Variants in VPS8 observed in about 807,000 individuals in gnomAD.
The protein encoded by VPS8 is vacuolar protein sorting-associated protein 8 homolog.
VPS8 carries 129 observed loss-of-function variants against 216.4 expected under a neutral mutation model. The observed-to-expected ratio is 0.60, with a 90% CI of 0.52 to 0.69. The LOEUF (loss-of-function observed/expected upper bound fraction) is 0.69. Among genes scored for constraint, VPS8 ranks in the 30% least tolerant of loss-of-function variants. VPS8 has a pLI of 0.00. For synonymous variants in VPS8, 571 were observed against 565.4 expected (o/e 1.01, Z -0.14); for missense variants, 1,531 against 1,683.5 (o/e 0.91, Z 1.59).
chr3:184,833,347 A>G (rs1222452402), intron 4 of VPS8, among the ~76,000 whole-genome samples: 5 of 152,204 alleles, frequency 3.3e-5, no homozygotes, highest in Admixed American at 6.5e-5. Flanking sequence ...TGGAGGAATC[A>G]TACTATAAAT....
intron 17 of VPS8, 115 bp downstream of exon 17, chr3:184,867,065 T>C (rs1727491923): frequency 3.4e-6 from 3 of 888,720 alleles, no homozygotes; most frequent in Non-Finnish European, 5.1e-6. Context: ...TCAGCAATTA[T>C]CCTAAACCCT....
intron 31 of VPS8, among the ~76,000 whole-genome samples, 191 bp from the exon 32 acceptor site, chr3:184,928,260 A>G (rs1274173907): frequency 6.6e-6 from 1 of 152,226 alleles, no homozygotes; most frequent in Non-Finnish European, 1.5e-5. Context: ...ATCTTTTTAT[A>G]GGGCTTAAAT....
intron 36 of VPS8, among the ~76,000 whole-genome samples, chr3:184,951,177 T>C (rs969174845): frequency 2.6e-5 from 4 of 152,130 alleles, no homozygotes; most frequent in African/African-American, 9.7e-5. Context: ...ATTTACAGAA[T>C]TTGAATTTTA....
chr3:185,010,193 T>C (rs1754819302), intron 45 of VPS8, among the ~76,000 whole-genome samples: 2 of 152,172 alleles, frequency 1.3e-5, no homozygotes, highest in African/African-American at 2.4e-5. Context: ...TGCTTTGATC[T>C]CACCTAACAA....
chr3:184,831,898 A>G (rs925864458), intron 3 of VPS8, among the ~76,000 whole-genome samples: 5 of 152,186 alleles, frequency 3.3e-5, no homozygotes, highest in African/African-American at 1.2e-4. Flanking sequence ...TGCCCCACCT[A>G]TCTTTTTAAA....
intron 3 of VPS8, among the ~76,000 whole-genome samples, chr3:184,831,211 C>T (rs527421649): frequency 1.1e-4 from 17 of 152,286 alleles, no homozygotes; most frequent in Admixed American, 8.5e-4. Context: ...CACCTGTAGT[C>T]CCAGCTTCTT....
At chr3:184,820,800 T>C (rs1267964366) in intron 1 of VPS8, among the ~76,000 whole-genome samples, 1 of 152,196 alleles carries the variant, frequency 6.6e-6, no homozygotes, top group Non-Finnish European at 1.5e-5. Flanking sequence ...TAGACTAATG[T>C]TGATGTTAAA....
chr3:185,045,193 G>A (rs1035830885), intron 46 of VPS8, among the ~76,000 whole-genome samples: 10 of 42,502 alleles, frequency 2.4e-4, no homozygotes, highest in African/African-American at 8.5e-4. Flanking sequence ...AAAGTGGCCC[G>A]TGTCTCTCGC....
chr3:184,895,593 TCCTCCTC>T (rs1733244116), intron 23 of VPS8, among the ~76,000 whole-genome samples: 1 of 46,590 alleles, frequency 2.1e-5, no homozygotes, highest in Non-Finnish European at 4.2e-5. Flanking sequence ...CTCCTGCTCC[TCCTCCTC>T]CCCCCCTCCT....
intron 38 of VPS8, among the ~76,000 whole-genome samples, chr3:184,965,933 T>A (rs1037749797): frequency 6.6e-6 from 1 of 152,214 alleles, no homozygotes; most frequent in Non-Finnish European, 1.5e-5. Context: ...GATTTTAGCT[T>A]ATAAGCTTTT....
chr3:184,918,199 A>G (rs1467643978), intron 28 of VPS8, among the ~76,000 whole-genome samples: 2 of 152,240 alleles, frequency 1.3e-5, no homozygotes, highest in Non-Finnish European at 2.9e-5. Context: ...GGCCACATGT[A>G]GCCCCAAAGC....
chr3:184,896,995 A>T (rs773126114), intron 23 of VPS8, among the ~76,000 whole-genome samples: 10 of 151,432 alleles, frequency 6.6e-5, no homozygotes, highest in Admixed American at 2.0e-4. Flanking sequence ...GCTAGCATTT[A>T]AAAAAAAAGG....
intron 8 of VPS8, among the ~76,000 whole-genome samples, chr3:184,847,032 CAG>C (rs1723264037): frequency 1.3e-5 from 2 of 152,134 alleles, no homozygotes; most frequent in South Asian, 2.1e-4. Flanking sequence ...GGAGAACAGT[CAG>C]AATGTATTGA....
intron 24 of VPS8, among the ~76,000 whole-genome samples, chr3:184,898,931 T>C (rs1441169955): frequency 2.0e-5 from 3 of 152,172 alleles, no homozygotes; most frequent in African/African-American, 4.8e-5. Context: ...AGGCTTTACA[T>C]GTTTTTCTCC....
intron 21 of VPS8, among the ~76,000 whole-genome samples, chr3:184,872,783 C>G (rs1373643955): frequency 6.6e-6 from 1 of 151,720 alleles, no homozygotes; most frequent in Non-Finnish European, 1.5e-5. Context: ...GCAAATATCT[C>G]AGAAAAAAAT....
rs1314561976 is a variant in VPS8 at position 184,930,506 on chromosome 3, A to G, written c.2836A>G (p.Ile946Val). The G allele has an allele frequency of 1.4e-5, 22 of 1,613,342 alleles. No individual in the cohort carries two copies. Among genetic ancestry groups the G allele is most frequent in the Non-Finnish European group, 1.8e-5 (21 of 1,179,498 alleles). The change falls in exon 34 of 48, where the codon ATT becomes GTT. Residue 946 changes from isoleucine (I) to valine (V), a missense_variant. Ile to Val is a conservative substitution (Grantham distance 29). Coordinates refer to ENST00000625842, the MANE Select transcript of VPS8 (RefSeq NM_001009921.3). ...VFNYIHNILSIPGHSAEEKQS... is the reference protein window; with the variant it reads ...VFNYIHNILSVPGHSAEEKQS... ...TAATTACATTCACAATATCTTATCC[A>G]TTCCCGGACACAGTGCAGAGGAGAA... is the stretch of plus-strand genomic sequence containing the variant.
chr3:184,843,142 A>C (rs759891709), intron 7 of VPS8, 98 bp from the exon 8 acceptor site: 4 of 853,344 alleles, frequency 4.7e-6, no homozygotes, highest in Non-Finnish European at 6.8e-6. Flanking sequence ...CTTGTCACTT[A>C]TATTCTTGAA....
rs780378008 is a variant in VPS8, at chr3:184,928,572, A to C, written c.2714+39A>C. 3 of 1,350,440 alleles carry C rather than the reference A, an allele frequency of 2.2e-6. No homozygotes were observed. In the Admixed American group the frequency reaches 8.7e-5, roughly 39 times the overall value. The allele number at this position is 1,350,440 out of a possible 1,614,324, so 83.7% of individuals were successfully genotyped here. Reference sequence around the variant, plus strand: ...AGGCTGTATATTAGTTTGCCATAGAAATATTAAATTATATTTCTTTAACTT... The same window carrying C: ...AGGCTGTATATTAGTTTGCCATAGACATATTAAATTATATTTCTTTAACTT... On this transcript the variant is annotated intron_variant, in intron 32 of 47. Coordinates refer to ENST00000625842, the MANE Select transcript of VPS8 (RefSeq NM_001009921.3).
rs1433786314 is a variant in VPS8 at position 184,964,452 on chromosome 3, C to G, written c.3184-16C>G. ...AAGATTGGTGAATAAAAATATTTAT[C>G]TTTTTTATTTCCTAGATTACTCAGA... On this transcript the variant is annotated splice_polypyrimidine_tract_variant and intron_variant, in intron 37 of 47. Transcript: ENST00000625842. 1.8e-5 allele frequency: 26 copies of G among 1,411,232 alleles called. No individual in the cohort carries two copies. The highest frequency in any genetic ancestry group is 2.2e-5 in the Non-Finnish European group (23 of 1,057,418). 87.4% of individuals were successfully genotyped at this position (1,411,232 alleles called of 1,614,324 possible).
Sources: gnomAD v4.1 joint callset for allele counts (sites outside exome capture counted in the v4.1 genomes callset) on GRCh38, gnomAD v4.1.1 for gene constraint, MANE v1.5 for transcripts, NCBI Gene and HGNC (gene_info 2026-07-23, HGNC 2026-07-21) for gene names.